The following PTBP3 variants were observed in gnomAD, a reference collection of about 807,000 sequenced individuals.
PTBP3 encodes polypyrimidine tract binding protein 3.
In PTBP3, 20 loss-of-function variants were observed where a neutral mutation model predicts 58.7. That is an observed-to-expected ratio of 0.34 (90% confidence interval 0.24 to 0.50). The LOEUF is 0.50. Ranked by LOEUF, PTBP3 falls within the 20% of genes least tolerant of loss-of-function variation. The probability of loss-of-function intolerance (pLI) is 0.98; values close to 1 mark genes in which losing one functional copy is unlikely to be tolerated. For missense variants in PTBP3, 509 were observed against 637.2 expected (o/e 0.80, Z 2.17); for synonymous variants, 185 against 219.8 (o/e 0.84, Z 1.40).
chr9:112,373,043 G>A, the PTBP3 span, among the ~76,000 whole-genome samples: 3 of 150,636 alleles, frequency 2.0e-5, no homozygotes, highest in East Asian at 2.0e-4. Context: ...TACAGTGCCC[G>A]CCACCATGCC....
At chr9:112,362,816 C>T in the PTBP3 span, 30 of 311,006 alleles carry the variant, frequency 9.6e-5, 2 homozygotes, top group South Asian at 7.1e-4. Context: ...TAAGCATAAC[C>T]GGTGGAAACC....
intron 8 of PTBP3, among the ~76,000 whole-genome samples, chr9:112,233,440 A>G (rs1835324275): frequency 6.6e-6 from 1 of 152,030 alleles, no homozygotes. Context: ...AAAATGAGGG[A>G]AAACATATCA....
chr9:112,252,603 T>C (rs1024634759), intron 6 of PTBP3, 75 bp downstream of exon 6: 1 of 1,118,980 alleles, frequency 8.9e-7, no homozygotes, highest in Non-Finnish European at 1.3e-6. Context: ...TAAAAACACA[T>C]GGTAAAGTGG....
intron 1 of PTBP3, among the ~76,000 whole-genome samples, chr9:112,325,426 A>AC (rs968596309): frequency 6.6e-6 from 1 of 151,904 alleles, no homozygotes; most frequent in Non-Finnish European, 1.5e-5. Flanking sequence ...AGCTGGCGGG[A>AC]CCCCTCTCTT....
intron 2 of PTBP3, among the ~76,000 whole-genome samples, chr9:112,288,170 T>C (rs761564393): frequency 2.2e-4 from 34 of 152,196 alleles, no homozygotes; most frequent in Non-Finnish European, 4.6e-4. Flanking sequence ...AGTCCATGTC[T>C]CCTCTGGTGT....
At chr9:112,377,501 T>C in the PTBP3 span, among the ~76,000 whole-genome samples, 1 of 152,226 alleles carries the variant, frequency 6.6e-6, no homozygotes, top group Non-Finnish European at 1.5e-5. Flanking sequence ...GTTCCCATTG[T>C]CAAGCTTAGT....
chr9:112,331,573 C>T (rs1564470261), intron 1 of PTBP3, among the ~76,000 whole-genome samples: 1 of 152,046 alleles, frequency 6.6e-6, no homozygotes, highest in Non-Finnish European at 1.5e-5. Flanking sequence ...ATTCATTTGT[C>T]TAAAATTTAA....
intron 1 of PTBP3, among the ~76,000 whole-genome samples, chr9:112,314,670 CAAAACAAA>C (rs1251898400): frequency 6.6e-6 from 1 of 151,786 alleles, no homozygotes; most frequent in South Asian, 2.1e-4. Context: ...CAAAACAAAA[CAAAACAAA>C]AAAACAAAAA....
intron 2 of PTBP3, 62 bp downstream of exon 2, chr9:112,297,769 CA>C: frequency 1.5e-6 from 2 of 1,310,976 alleles, no homozygotes; most frequent in Non-Finnish European, 2.1e-6. Context: ...AAAATAAGAG[CA>C]TTGTAAAAAA....
chr9:112,258,942 T>C lies in PTBP3; in HGVS notation c.516+3493A>G, dbSNP rs562675676. ...TAGGACAAGAGCCTCCACTTAACCC[T>C]ATACAGCTTATTTTTTTGGAGGATG... On this transcript the variant is annotated intron_variant, in intron 5 of 13. Coordinates refer to ENST00000374257, the MANE Select transcript of PTBP3 (RefSeq NM_001163788.4). Among the ~76,000 whole-genome samples, 3 of 152,276 alleles carry C rather than the reference T, an allele frequency of 2.0e-5. No homozygotes were observed. The South Asian group carries it at 6.2e-4, about 32-fold the overall frequency.
chr9:112,276,041 T>C, intron 2 of PTBP3, 28 bp from the exon 3 acceptor site: 1 of 1,573,874 alleles, frequency 6.4e-7, no homozygotes, highest in Non-Finnish European at 8.7e-7. Flanking sequence ...CTTTTTTAAA[T>C]TACTGCAACT....
intron 2 of PTBP3, among the ~76,000 whole-genome samples, chr9:112,295,559 T>C (rs1393945042): frequency 7.0e-6 from 1 of 142,910 alleles, no homozygotes; most frequent in African/African-American, 2.7e-5. Flanking sequence ...AGCAGTTTCA[T>C]CTGGGTAGCA....
intron 10 of PTBP3, among the ~76,000 whole-genome samples, chr9:112,229,610 T>TAA: frequency 6.6e-6 from 1 of 151,896 alleles, no homozygotes. Context: ...ATTATCATAC[T>TAA]AATGGCACTT....
chr9:112,289,308 A>G (rs1365401096), intron 2 of PTBP3, among the ~76,000 whole-genome samples: 2 of 152,212 alleles, frequency 1.3e-5, no homozygotes, highest in Non-Finnish European at 2.9e-5. Flanking sequence ...TGATGAAAAT[A>G]AATTTCTGTC....
intron 2 of PTBP3, among the ~76,000 whole-genome samples, chr9:112,281,528 T>C (rs981964971): frequency 9.9e-5 from 15 of 152,246 alleles, no homozygotes; most frequent in African/African-American, 3.6e-4. Context: ...GATATTAATC[T>C]GTAGTTTTCT....
At chr9:112,231,747 TA>T (rs141817730) in intron 9 of PTBP3, among the ~76,000 whole-genome samples, 72,506 of 148,654 alleles carry the variant, frequency 0.49, 18,061 homozygotes, top group African/African-American at 0.61. Context: ...ACAAAAGAAT[TA>T]AAAAAAAAAA....
chr9:112,372,204 G>A, the PTBP3 span, among the ~76,000 whole-genome samples: 56 of 151,984 alleles, frequency 3.7e-4, no homozygotes, highest in Non-Finnish European at 6.8e-4. Context: ...GCCCTCCTGA[G>A]TACCTGGAAC....
At chr9:112,262,386 A>T (rs1836633018) in intron 5 of PTBP3, 49 bp downstream of exon 5, 1 of 1,432,782 alleles carries the variant, frequency 7.0e-7, no homozygotes, top group East Asian at 2.6e-5. Flanking sequence ...CAAAAGTTTC[A>T]GAGGCCATAT....
chr9:112,347,696 T>C, the PTBP3 span, among the ~76,000 whole-genome samples: 7 of 152,190 alleles, frequency 4.6e-5, no homozygotes, highest in Non-Finnish European at 8.8e-5. Flanking sequence ...ATATTGTGTG[T>C]GTATGTGTAT....
Sources: allele counts gnomAD v4.1 joint callset (sites outside exome capture counted in the v4.1 genomes callset), GRCh38; gene constraint gnomAD v4.1.1; transcripts MANE v1.5; gene names NCBI Gene and HGNC (gene_info 2026-07-23, HGNC 2026-07-21).